BABAM2: variants seen among roughly 807,000 people sequenced by gnomAD.
The protein encoded by BABAM2 is BRISC and BRCA1-A complex member 2.
BABAM2 carries 31 observed loss-of-function variants against 54.7 expected under a neutral mutation model. The observed-to-expected ratio is 0.57, with a 90% confidence interval of 0.43 to 0.77. BABAM2 has a LOEUF of 0.77. Ranked by LOEUF, BABAM2 falls within the 30% of genes least tolerant of loss-of-function variation. BABAM2 has a pLI of 0.00. For synonymous variants in BABAM2, 167 were observed against 162.9 expected (o/e 1.03, Z -0.19); for missense variants, 364 against 455.8 (o/e 0.80, Z 1.83).
chr2:28,117,775 C>T (rs10211646), intron 6 of BABAM2, among the ~76,000 whole-genome samples: 14,530 of 152,004 alleles, frequency 0.096, 1,194 homozygotes, highest in African/African-American at 0.22. Context: ...AGGGGCTTTA[C>T]GGATTGGGGC....
In BABAM2 at chr2:27,928,608, T is replaced by C. The variant is rs369252283; in HGVS notation, c.129-1224T>C. On this transcript the variant is annotated intron_variant, in intron 2 of 11. Transcript: ENST00000379624. ...CATGTAGGGAAGTTGTACATTTATT[T>C]CAACTATGCATCCATCCGTTAAATT... is the stretch of plus-strand genomic sequence containing the variant. Among the ~76,000 whole-genome samples the C allele has an allele frequency of 1.2e-4, 18 of 152,352 alleles. 1 individual carries two copies. The highest frequency in any genetic ancestry group is 4.3e-4 in the African/African-American group (18 of 41,582).
intron 7 of BABAM2, among the ~76,000 whole-genome samples, chr2:28,153,177 G>A (rs2147785665): frequency 6.6e-6 from 1 of 152,202 alleles, no homozygotes; most frequent in Non-Finnish European, 1.5e-5. Flanking sequence ...TAGGATTTCA[G>A]ATCCTGTTCC....
intron 7 of BABAM2, among the ~76,000 whole-genome samples, chr2:28,199,280 G>A (rs148432116): frequency 1.5e-4 from 23 of 152,308 alleles, no homozygotes; most frequent in South Asian, 2.1e-4. Flanking sequence ...CTTTCGTTAC[G>A]TGCTTGTAAC....
At chr2:28,278,790 A>T (rs189276555) in intron 10 of BABAM2, among the ~76,000 whole-genome samples, 1 of 152,172 alleles carries the variant, frequency 6.6e-6, no homozygotes, top group East Asian at 1.9e-4. Context: ...TGAGATGAGA[A>T]CCAGGAGAGA....
intron 4 of BABAM2, among the ~76,000 whole-genome samples, chr2:28,017,083 T>A (rs901431436): frequency 2.0e-5 from 3 of 152,244 alleles, no homozygotes; most frequent in African/African-American, 7.2e-5. Flanking sequence ...TCCACTTGAC[T>A]TTACAAAATT....
intron 10 of BABAM2, among the ~76,000 whole-genome samples, chr2:28,277,255 G>A (rs1411468731): frequency 5.3e-5 from 8 of 151,998 alleles, no homozygotes; most frequent in Admixed American, 6.6e-5. Flanking sequence ...ACAGGTGCCC[G>A]CCACCACACC....
intron 7 of BABAM2, among the ~76,000 whole-genome samples, chr2:28,193,472 CAT>C (rs1677160233): frequency 1.3e-5 from 2 of 152,122 alleles, no homozygotes; most frequent in African/African-American, 2.4e-5. Context: ...TCAGTTTCCT[CAT>C]GTGTAAAATG....
At chr2:28,175,261 A>C (rs767428871) in intron 7 of BABAM2, among the ~76,000 whole-genome samples, 2 of 152,162 alleles carry the variant, frequency 1.3e-5, no homozygotes, top group Non-Finnish European at 2.9e-5. Context: ...GCTGCAGAGC[A>C]CTTGCACACA....
intron 7 of BABAM2, among the ~76,000 whole-genome samples, chr2:28,197,393 A>G (rs946763331): frequency 8.5e-5 from 13 of 152,212 alleles, no homozygotes; most frequent in Non-Finnish European, 1.6e-4. Context: ...TGTTTATGAA[A>G]TCATAAAACA....
intron 4 of BABAM2, among the ~76,000 whole-genome samples, chr2:27,996,809 T>A (rs1200047090): frequency 6.6e-6 from 1 of 152,136 alleles, no homozygotes; most frequent in Non-Finnish European, 1.5e-5. Context: ...TCCTTGAGGT[T>A]TTCTCCTCTT....
intron 10 of BABAM2, among the ~76,000 whole-genome samples, chr2:28,296,790 C>A (rs1357396934): frequency 6.6e-6 from 1 of 152,144 alleles, no homozygotes; most frequent in African/African-American, 2.4e-5. Flanking sequence ...CGGATTCAAG[C>A]GATTCTTCTG....
At position 28,163,788 on chromosome 2, in the gene BABAM2, C is replaced by T. The variant is rs770259095; in HGVS notation, c.680+34408C>T. Reference sequence around the variant, plus strand: ...GTCAGAGGCCTCAGAATTGGACTCACGTGGCCCAAGGCTCTAAGGTAATGT... The same window carrying T: ...GTCAGAGGCCTCAGAATTGGACTCATGTGGCCCAAGGCTCTAAGGTAATGT... On this transcript the variant is annotated intron_variant, in intron 7 of 11. Coordinates refer to ENST00000379624, the MANE Select transcript of BABAM2 (RefSeq NM_199191.3). Among the ~76,000 whole-genome samples the T allele has an allele frequency of 6.4e-4, 97 of 152,146 alleles. 3 individuals are homozygous for T. The highest frequency in any genetic ancestry group is 8.8e-5 in the Non-Finnish European group (6 of 68,030).
intron 6 of BABAM2, among the ~76,000 whole-genome samples, chr2:28,085,200 G>A (rs1665531182): frequency 6.6e-6 from 1 of 152,162 alleles, no homozygotes; most frequent in East Asian, 1.9e-4. Flanking sequence ...AACATTACTT[G>A]TATTGTGTTA....
At chr2:28,220,165 C>A (rs1438072575) in intron 7 of BABAM2, among the ~76,000 whole-genome samples, 1 of 152,140 alleles carries the variant, frequency 6.6e-6, no homozygotes, top group East Asian at 1.9e-4. Context: ...TGGTGGGAGG[C>A]AGTGTGTAGC....
chr2:28,245,723 T>C (rs1324095136), intron 10 of BABAM2, among the ~76,000 whole-genome samples: 2 of 152,174 alleles, frequency 1.3e-5, no homozygotes, highest in Non-Finnish European at 2.9e-5. Context: ...TGGGTTTGAA[T>C]TGACTTCACT....
intron 11 of BABAM2, among the ~76,000 whole-genome samples, chr2:28,333,542 A>C (rs113102200): frequency 0.017 from 2,559 of 152,318 alleles, 64 homozygotes; most frequent in African/African-American, 0.058. Flanking sequence ...AATTCATGGG[A>C]AACCTACCCA....
intron 7 of BABAM2, among the ~76,000 whole-genome samples, chr2:28,180,902 C>T (rs1363024499): frequency 6.6e-6 from 1 of 152,088 alleles, no homozygotes; most frequent in African/African-American, 2.4e-5. Flanking sequence ...ATCAAAACTA[C>T]AGTGAGATAG....
At chr2:28,315,042 AAAGGG>A (rs1689404058) in intron 11 of BABAM2, among the ~76,000 whole-genome samples, 1 of 131,310 alleles carries the variant, frequency 7.6e-6, no homozygotes, top group Admixed American at 7.8e-5. Context: ...GAGAAGAAAG[AAAGGG>A]AAGGGGAGGG....
chr2:28,212,302 G>A lies in BABAM2; in HGVS notation c.681-24900G>A, dbSNP rs146966582. ...CACCAGGCACTGTTCTAGGTTCTAGGTTCATTGGGCTATGCTTTGTTTTCC... is the reference window on the plus strand; with the variant it reads ...CACCAGGCACTGTTCTAGGTTCTAGATTCATTGGGCTATGCTTTGTTTTCC... On this transcript the variant is annotated intron_variant, in intron 7 of 11. Transcript: ENST00000379624. Among the ~76,000 whole-genome samples the A allele has an allele frequency of 3.5e-3, 537 of 152,264 alleles. 5 individuals are homozygous for A. The highest frequency in any genetic ancestry group is 0.012 in the African/African-American group (507 of 41,558).
Sources: gnomAD v4.1 joint callset for allele counts (sites outside exome capture counted in the v4.1 genomes callset) on GRCh38, gnomAD v4.1.1 for gene constraint, MANE v1.5 for transcripts, NCBI Gene and HGNC (gene_info 2026-07-23, HGNC 2026-07-21) for gene names.